CSMD1: variants seen among roughly 807,000 people sequenced by gnomAD.
CSMD1 encodes CUB and sushi domain-containing protein 1.
CSMD1 carries 213 observed loss-of-function variants against 417.5 expected under a neutral mutation model. That is an observed-to-expected ratio of 0.51 (90% confidence interval 0.46 to 0.57). CSMD1 has a LOEUF of 0.57. Among genes scored for constraint, CSMD1 ranks in the 20% least tolerant of loss-of-function variants. The pLI, the probability that CSMD1 is intolerant of heterozygous loss-of-function variation, is 0.00. For synonymous variants in CSMD1, 2,862 were observed against 1,736.8 expected, an observed-to-expected ratio of 1.65 and a Z score of -16.11; for missense variants, 6,923 against 4,529.7, an observed-to-expected ratio of 1.53 and a Z score of -15.17.
At chr8:3,127,148 T>G (rs1015198915) in intron 41 of CSMD1, among the ~76,000 whole-genome samples, 2 of 152,160 alleles carry the variant, frequency 1.3e-5, no homozygotes, top group Non-Finnish European at 2.9e-5. Context: ...ATCTTAGCCT[T>G]TTCTGTCTCG....
chr8:4,718,175 CTATGT>C lies in CSMD1; in HGVS notation c.86-80622_86-80618del, dbSNP rs543917733. Reference sequence around the variant, plus strand: ...TTATTTTTGTACAGACAGGGTCTACCTATGTAGCCCAGGCTGGTCTCAAACTCCTG... The same window carrying C: ...TTATTTTTGTACAGACAGGGTCTACCAGCCCAGGCTGGTCTCAAACTCCTG... On this transcript the variant is annotated intron_variant, in intron 1 of 69. Transcript: ENST00000635120. Among the ~76,000 whole-genome samples the C allele has an allele frequency of 8.6e-4, 131 of 152,204 alleles. 2 individuals are homozygous for C. The highest frequency in any genetic ancestry group is 3.0e-3 in the African/African-American group (126 of 41,530).
At chr8:3,281,778 G>C (rs10104595) in intron 26 of CSMD1, among the ~76,000 whole-genome samples, 114,218 of 152,038 alleles carry the variant, frequency 0.75, 43,296 homozygotes, top group Admixed American at 0.84. Context: ...TCATTGATAT[G>C]GTTTGGATCT....
At chr8:4,259,550 T>G (rs374152518) in intron 3 of CSMD1, among the ~76,000 whole-genome samples, 1 of 144,588 alleles carries the variant, frequency 6.9e-6, no homozygotes, top group African/African-American at 2.5e-5. Flanking sequence ...TTTTTTTTTT[T>G]GATTTACAAA....
At chr8:4,753,707 C>A (rs189166347) in intron 1 of CSMD1, among the ~76,000 whole-genome samples, 4 of 152,276 alleles carry the variant, frequency 2.6e-5, no homozygotes, top group Admixed American at 2.6e-4. Context: ...GCTCCTTTAA[C>A]AGCTAATACC....
intron 1 of CSMD1, among the ~76,000 whole-genome samples, chr8:4,843,836 C>A (rs1483057149): frequency 3.3e-5 from 5 of 152,186 alleles, no homozygotes; most frequent in African/African-American, 9.7e-5. Context: ...CACAGGAGAG[C>A]TGAACCCTGA....
intron 1 of CSMD1, among the ~76,000 whole-genome samples, chr8:4,707,927 AAAG>A (rs1563187024): frequency 8.5e-5 from 11 of 129,116 alleles, no homozygotes; most frequent in African/African-American, 2.6e-4. Context: ...AAAAAAAAAA[AAAG>A]AGGGGAAAGA....
chr8:4,799,975 T>C (rs568223803), intron 1 of CSMD1, among the ~76,000 whole-genome samples: 16 of 151,024 alleles, frequency 1.1e-4, no homozygotes, highest in African/African-American at 3.9e-4. Context: ...ATGCTTCTCA[T>C]TTTTTCTAAC....
intron 6 of CSMD1, among the ~76,000 whole-genome samples, chr8:3,728,227 A>C (rs1439000085): frequency 2.6e-5 from 4 of 152,164 alleles, no homozygotes; most frequent in African/African-American, 4.8e-5. Context: ...GGTTTTACAA[A>C]GGGAAACCCC....
intron 3 of CSMD1, among the ~76,000 whole-genome samples, chr8:4,332,144 A>C (rs1299686067): frequency 6.6e-6 from 1 of 152,124 alleles, no homozygotes; most frequent in South Asian, 2.1e-4. Flanking sequence ...TGAAAATGTC[A>C]AGTTGCTTAG....
chr8:3,141,130 A>G (rs1818413069), intron 41 of CSMD1, among the ~76,000 whole-genome samples: 1 of 152,190 alleles, frequency 6.6e-6, no homozygotes, highest in Non-Finnish European at 1.5e-5. Flanking sequence ...CATGATGATG[A>G]GACTCCCCAG....
chr8:4,255,042 T>A, intron 3 of CSMD1, among the ~76,000 whole-genome samples: 1 of 152,240 alleles, frequency 6.6e-6, no homozygotes, highest in African/African-American at 2.4e-5. Context: ...CATAGAGGAG[T>A]TGATCAAGCA....
chr8:4,597,170 T>A (rs1051780611), intron 2 of CSMD1, among the ~76,000 whole-genome samples: 4 of 152,190 alleles, frequency 2.6e-5, no homozygotes, highest in African/African-American at 7.2e-5. Flanking sequence ...AGTCAAAACT[T>A]TGAAATAATA....
intron 7 of CSMD1, among the ~76,000 whole-genome samples, chr8:3,637,479 G>A (rs915391550): frequency 6.6e-6 from 1 of 152,112 alleles, no homozygotes; most frequent in African/African-American, 2.4e-5. Flanking sequence ...CATAGCTTCA[G>A]AATTGTTCTT....
At chr8:3,770,127 C>G (rs371796958) in intron 5 of CSMD1, among the ~76,000 whole-genome samples, 30 of 152,220 alleles carry the variant, frequency 2.0e-4, no homozygotes, top group African/African-American at 7.0e-4. Flanking sequence ...CTGTCTCCAG[C>G]AGGAGACTAA....
At chr8:3,649,231 A>G (rs1055657270) in intron 7 of CSMD1, among the ~76,000 whole-genome samples, 3 of 152,182 alleles carry the variant, frequency 2.0e-5, no homozygotes, top group African/African-American at 7.2e-5. Flanking sequence ...TCCCTGCTTT[A>G]TATATTCTTC....
At chr8:4,543,262 G>C (rs1797480555) in intron 2 of CSMD1, among the ~76,000 whole-genome samples, 1 of 152,012 alleles carries the variant, frequency 6.6e-6, no homozygotes, top group Non-Finnish European at 1.5e-5. Flanking sequence ...CTGACGGTGT[G>C]GACTGCCCTA....
At chr8:4,526,835 GT>G (rs900620088) in intron 2 of CSMD1, among the ~76,000 whole-genome samples, 2 of 151,800 alleles carry the variant, frequency 1.3e-5, no homozygotes, top group African/African-American at 2.4e-5. Context: ...ATCGACAAAT[GT>G]TTTTTTTCTC....
chr8:4,045,206 A>G (rs1798088584), intron 3 of CSMD1, among the ~76,000 whole-genome samples: 2 of 152,152 alleles, frequency 1.3e-5, no homozygotes, highest in Admixed American at 1.3e-4. Flanking sequence ...TGAGGAACCC[A>G]CAATGTGGGC....
intron 1 of CSMD1, among the ~76,000 whole-genome samples, chr8:4,777,255 G>T (rs1430626444): frequency 1.3e-5 from 2 of 152,200 alleles, no homozygotes; most frequent in Non-Finnish European, 2.9e-5. Context: ...GAAGCAGGAG[G>T]CAAGGCAGTG....
Sources: allele counts gnomAD v4.1 joint callset (sites outside exome capture counted in the v4.1 genomes callset), GRCh38; gene constraint gnomAD v4.1.1; transcripts MANE v1.5; gene names NCBI Gene and HGNC (gene_info 2026-07-23, HGNC 2026-07-21).